Variants in AP3S2 observed in about 807,000 individuals in gnomAD.
AP3S2 encodes adaptor related protein complex 3 subunit sigma 2.
A neutral mutation model predicts 23.4 loss-of-function variants in AP3S2; 22 were observed. The observed-to-expected ratio is 0.94, with a 90% CI of 0.67 to 1.34. The LOEUF (loss-of-function observed/expected upper bound fraction) is 1.34. Among genes scored for constraint, AP3S2 ranks in the 40% most tolerant of loss-of-function variants. AP3S2 has a pLI of 0.00. For synonymous variants in AP3S2, 86 were observed against 87.1 expected, an observed-to-expected ratio of 0.99 and a Z score of 0.07; for missense variants, 241 against 236.9, an observed-to-expected ratio of 1.02 and a Z score of -0.11.
intron 3 of AP3S2, among the ~76,000 whole-genome samples, chr15:89,882,888 A>C (rs922741368): frequency 6.6e-6 from 1 of 152,150 alleles, no homozygotes; most frequent in Non-Finnish European, 1.5e-5. Flanking sequence ...TTTTGCCTTT[A>C]CTGAGTTCTA....
Position 89,855,603 on chromosome 15 carries a change from C to T in AP3S2, c.345+15872G>A, listed in dbSNP as rs766782531. 6.8e-3 allele frequency among the ~76,000 whole-genome samples: 977 copies of T among 144,094 alleles called. 4 individuals are homozygous for T. Among genetic ancestry groups the T allele is most frequent in the Non-Finnish European group, 0.011 (757 of 66,068 alleles). 94.5% of individuals were successfully genotyped at this position (144,094 alleles called of 152,430 possible). A position where few individuals can be genotyped will look rare whatever the true frequency, so the allele number is the denominator to read the frequency against. The stretch of plus-strand genomic sequence containing the variant: ...GTGGCTCACGACTGTAATCCCAGCA[C>T]TGTGGCAGGCCAAGGCGGGCAGATC... On this transcript the variant is annotated intron_variant, in intron 4 of 5. Coordinates refer to ENST00000336418, the MANE Select transcript of AP3S2 (RefSeq NM_005829.5).
chr15:89,842,758 ATG>A (rs1895361420), intron 4 of AP3S2, among the ~76,000 whole-genome samples: 1 of 152,012 alleles, frequency 6.6e-6, no homozygotes, highest in Non-Finnish European at 1.5e-5. Flanking sequence ...GACTATAGGC[ATG>A]CGCCACCATG....
At position 89,836,847 on chromosome 15, in the gene AP3S2, A is replaced by G. The variant is rs549833249; in HGVS notation, c.453+768T>C. On this transcript the variant is annotated intron_variant, in intron 5 of 5. Transcript: ENST00000336418. ...GGTCTGGAAAAGCTTCTTCCACAGG[A>G]CTGCCAGTCCTCACAGAAAGAAGAA... Among the ~76,000 whole-genome samples the G allele has an allele frequency of 1.2e-4, 19 of 152,340 alleles. No individual in the cohort carries two copies. The South Asian group carries it at 3.9e-3, about 32-fold the overall frequency.
intron 1 of AP3S2, among the ~76,000 whole-genome samples, chr15:89,891,772 C>A (rs954051129): frequency 6.6e-6 from 1 of 152,106 alleles, no homozygotes; most frequent in Non-Finnish European, 1.5e-5. Flanking sequence ...AATCATTATA[C>A]ATTGCTGATG....
intron 4 of AP3S2, among the ~76,000 whole-genome samples, chr15:89,838,592 A>G (rs552745516): frequency 6.6e-6 from 1 of 152,344 alleles, no homozygotes; most frequent in East Asian, 1.9e-4. Flanking sequence ...ATGGTACTCC[A>G]TATTTCAAAC....
chr15:89,871,378 C>A (rs1896314731), intron 4 of AP3S2, 97 bp downstream of exon 4: 13 of 1,137,940 alleles, frequency 1.1e-5, no homozygotes, highest in Middle Eastern at 2.0e-4. Flanking sequence ...TAAAAAAAAA[C>A]AAGAAACAAT....
chr15:89,867,881 A>G (rs1896179596), intron 4 of AP3S2, among the ~76,000 whole-genome samples: 1 of 125,724 alleles, frequency 8.0e-6, no homozygotes, highest in Non-Finnish European at 1.8e-5. Flanking sequence ...GGAAGTGAGG[A>G]GCGGCTCCGC....
intron 4 of AP3S2, among the ~76,000 whole-genome samples, chr15:89,859,889 G>C (rs137922760): frequency 5.4e-4 from 82 of 151,256 alleles, no homozygotes; most frequent in Middle Eastern, 3.4e-3. Context: ...TCAGCCTCCA[G>C]AGTAGCTAGG....
Position 89,871,497 on chromosome 15 carries a change from T to G in AP3S2, c.323A>C (p.Asp108Ala). 2 of 1,613,514 alleles carry G rather than the reference T, an allele frequency of 1.2e-6. No individual in the cohort carries two copies. Among genetic ancestry groups the G allele is most frequent in the Non-Finnish European group, 1.7e-6 (2 of 1,179,868 alleles). Residue 108 changes from aspartate to alanine, a missense_variant, in exon 4 of 6, where the codon GAT becomes GCT. Physicochemically the swap from Asp to Ala is moderately radical, Grantham distance 126 (BLOSUM62 -2). Coordinates refer to ENST00000336418, the MANE Select transcript of AP3S2 (RefSeq NM_005829.5). ...DKCFENVCEL[D>A]LIFHMDKVHY... ...TACCTTATCCATATGGAAGATCAAATCCAATTCACACACATTTTCGAAACA... is the reference window on the plus strand; with the variant it reads ...TACCTTATCCATATGGAAGATCAAAGCCAATTCACACACATTTTCGAAACA...
chr15:89,869,581 AAAAAAG>A, intron 4 of AP3S2, among the ~76,000 whole-genome samples: 1 of 151,118 alleles, frequency 6.6e-6, no homozygotes, highest in East Asian at 1.9e-4. Flanking sequence ...AAAAAAAAAA[AAAAAAG>A]AAAACTCCCC....
At chr15:89,885,271 T>C (rs575823654) in intron 3 of AP3S2, among the ~76,000 whole-genome samples, 156 of 152,198 alleles carry the variant, frequency 1.0e-3, no homozygotes, top group African/African-American at 3.6e-3. Context: ...CTCAGCTCAC[T>C]GCAACCTCTG....
At chr15:89,837,352 A>G (rs1404992430) in intron 5 of AP3S2, among the ~76,000 whole-genome samples, 3 of 152,210 alleles carry the variant, frequency 2.0e-5, no homozygotes, top group African/African-American at 4.8e-5. Context: ...CCCCCAAGCC[A>G]GAAGCTGTTT....
intron 3 of AP3S2, among the ~76,000 whole-genome samples, chr15:89,884,263 A>G (rs969681021): frequency 2.0e-5 from 3 of 152,168 alleles, no homozygotes; most frequent in African/African-American, 7.2e-5. Context: ...GCTATAATAG[A>G]CTATTAATTT....
intron 1 of AP3S2, 61 bp from the exon 2 acceptor site, chr15:89,889,201 G>A (rs1201152150): frequency 1.3e-6 from 2 of 1,567,382 alleles, no homozygotes; most frequent in East Asian, 2.2e-5. Context: ...TCCCATCCAT[G>A]GGGATGGACA....
intron 4 of AP3S2, among the ~76,000 whole-genome samples, chr15:89,851,486 G>A (rs1213607011): frequency 6.6e-6 from 1 of 152,102 alleles, no homozygotes; most frequent in Admixed American, 6.6e-5. Context: ...TTACAGGCAT[G>A]TGCCACCACG....
intron 3 of AP3S2, among the ~76,000 whole-genome samples, chr15:89,874,138 T>A (rs1896386655): frequency 6.6e-6 from 1 of 151,960 alleles, no homozygotes; most frequent in East Asian, 1.9e-4. Flanking sequence ...TTTTTTTTTT[T>A]TTTAAACTGT....
chr15:89,860,585 G>A (rs184706793), intron 4 of AP3S2, among the ~76,000 whole-genome samples: 1 of 152,194 alleles, frequency 6.6e-6, no homozygotes, highest in Admixed American at 6.5e-5. Context: ...TAATATTTTT[G>A]GACCATGGTT....
intron 2 of AP3S2, 24 bp downstream of exon 2, chr15:89,889,025 A>T: frequency 6.2e-7 from 1 of 1,613,956 alleles, no homozygotes; most frequent in Non-Finnish European, 8.5e-7. Flanking sequence ...ATATATGGGG[A>T]GAAAAATGAA....
At chr15:89,885,832 T>C (rs752958208) in intron 3 of AP3S2, among the ~76,000 whole-genome samples, 3 of 150,358 alleles carry the variant, frequency 2.0e-5, no homozygotes, top group Non-Finnish European at 4.4e-5. Flanking sequence ...GCCCCATTAC[T>C]CAGGAGACTG....
Sources: allele counts gnomAD v4.1 joint callset (sites outside exome capture counted in the v4.1 genomes callset), GRCh38; gene constraint gnomAD v4.1.1; transcripts MANE v1.5; gene names NCBI Gene and HGNC (gene_info 2026-07-23, HGNC 2026-07-21).